PSPC1: variants seen among roughly 807,000 people sequenced by gnomAD.
The protein encoded by PSPC1 is paraspeckle protein 1.
A neutral mutation model predicts 51.6 loss-of-function variants in PSPC1; 14 were observed. The observed-to-expected ratio is 0.27, with a 90% CI of 0.18 to 0.42. The LOEUF (loss-of-function observed/expected upper bound fraction) is 0.42, where lower values mean the gene tolerates loss of function less well. Ranked by LOEUF, PSPC1 falls within the 10% of genes least tolerant of loss-of-function variation. PSPC1 has a pLI of 1.00. For synonymous variants in PSPC1, 193 were observed against 231.9 expected (o/e 0.83, Z 1.53); for missense variants, 406 against 701.1 (o/e 0.58, Z 4.75).
At position 19,741,624 on chromosome 13, in the gene PSPC1, G is replaced by A. The variant is rs1885441361; in HGVS notation, c.993C>T (p.Leu331=). ...RQDLMRRQEE[L]RRLEELRNQE... is the part of the protein sequence containing the mutation. The stretch of plus-strand genomic sequence containing the variant: ...GGTTTCTGAGTTCTTCCAAGCGTCT[G>A]AGTTCTTCTTGACGCCTCATTAGAT... Residue 331 remains leucine (L), a synonymous_variant, in exon 5 of 9, where the codon CTC becomes CTT. Transcript: ENST00000338910. 2.2e-5 allele frequency: 36 copies of A among 1,604,800 alleles called. No individual in the cohort carries two copies. The highest frequency in any genetic ancestry group is 3.1e-5 in the Non-Finnish European group (36 of 1,174,234).
chr13:19,760,190 C>G (rs1022739696), intron 2 of PSPC1, among the ~76,000 whole-genome samples: 2 of 152,100 alleles, frequency 1.3e-5, no homozygotes, highest in African/African-American at 4.8e-5. Context: ...CTGTACCCAC[C>G]ACCCAGTTTC....
intron 6 of PSPC1, among the ~76,000 whole-genome samples, chr13:19,694,036 T>TG (rs1878885281): frequency 7.3e-6 from 1 of 137,034 alleles, no homozygotes; most frequent in Admixed American, 8.6e-5. Context: ...GGCAGGAGAA[T>TG]GGCGTGAACC....
At chr13:19,752,590 A>AT (rs1217132646) in intron 3 of PSPC1, among the ~76,000 whole-genome samples, 161 of 150,018 alleles carry the variant, frequency 1.1e-3, no homozygotes, top group Admixed American at 3.4e-3. Flanking sequence ...TTATTTATTT[A>AT]TTTATTTATT....
At chr13:19,751,992 A>C (rs1286308116) in intron 3 of PSPC1, among the ~76,000 whole-genome samples, 1 of 152,186 alleles carries the variant, frequency 6.6e-6, no homozygotes, top group East Asian at 1.9e-4. Context: ...CAGGAGGCAG[A>C]GCTTATAGTG....
At chr13:19,735,064 C>A (rs895503884) in intron 5 of PSPC1, among the ~76,000 whole-genome samples, 1 of 151,650 alleles carries the variant, frequency 6.6e-6, no homozygotes, top group Non-Finnish European at 1.5e-5. Context: ...GTAATCCCAG[C>A]GCTTTGGGAG....
intron 2 of PSPC1, among the ~76,000 whole-genome samples, chr13:19,763,645 G>C (rs1430481611): frequency 3.9e-5 from 6 of 152,272 alleles, no homozygotes; most frequent in Non-Finnish European, 5.9e-5. Context: ...GGGTTGTTAT[G>C]ATAACGAAAG....
downstream of PSPC1, among the ~76,000 whole-genome samples, chr13:19,697,609 G>C (rs1314124953): frequency 1.3e-5 from 2 of 152,118 alleles, no homozygotes; most frequent in Non-Finnish European, 2.9e-5. Context: ...AAGCATTCAA[G>C]TCTGGGAACA....
At chr13:19,772,201 A>G (rs1289933781) in intron 2 of PSPC1, 41 bp downstream of exon 2, 1 of 1,576,234 alleles carries the variant, frequency 6.3e-7, no homozygotes, top group East Asian at 2.2e-5. Context: ...AGAAGCCCAT[A>G]TGTAACTGGA....
At chr13:19,730,981 A>C (rs1884039026) in intron 5 of PSPC1, among the ~76,000 whole-genome samples, 1 of 136,278 alleles carries the variant, frequency 7.3e-6, no homozygotes, top group East Asian at 2.2e-4. Flanking sequence ...AAAAAAAAAC[A>C]GAAAAAGTCT....
chr13:19,717,705 CAAAAAAAAAAAAAA>C (rs780984201), intron 6 of PSPC1, among the ~76,000 whole-genome samples: 1 of 72,260 alleles, frequency 1.4e-5, no homozygotes, highest in African/African-American at 5.1e-5. Flanking sequence ...GACTCTGTCT[CAAAAAAAAAAAAAA>C]AAAAAAAAAG....
intron 6 of PSPC1, among the ~76,000 whole-genome samples, chr13:19,723,531 G>A (rs1883022335): frequency 6.6e-6 from 1 of 152,140 alleles, no homozygotes; most frequent in African/African-American, 2.4e-5. Context: ...ATTTGTCCCA[G>A]TTTGTATGAA....
chr13:19,780,299 G>A (rs1244443120), intron 1 of PSPC1, among the ~76,000 whole-genome samples: 14 of 137,886 alleles, frequency 1.0e-4, no homozygotes, highest in South Asian at 2.6e-4. Context: ...CCACCACCCC[G>A]TCTGGGAGGT....
At chr13:19,724,929 G>A (rs779586559) in intron 6 of PSPC1, among the ~76,000 whole-genome samples, 2 of 152,272 alleles carry the variant, frequency 1.3e-5, no homozygotes, top group South Asian at 2.1e-4. Flanking sequence ...AACCTGGGAG[G>A]CGGGGGTTGG....
At chr13:19,686,289 T>C (rs1877866913) in intron 6 of PSPC1, among the ~76,000 whole-genome samples, 1 of 152,040 alleles carries the variant, frequency 6.6e-6, no homozygotes, top group African/African-American at 2.4e-5. Flanking sequence ...GAAAATTACC[T>C]GGGGGAGGGA....
At chr13:19,766,760 T>G (rs1593755578) in intron 2 of PSPC1, among the ~76,000 whole-genome samples, 1 of 149,898 alleles carries the variant, frequency 6.7e-6, no homozygotes, top group African/African-American at 2.5e-5. Flanking sequence ...GAGCCTGAGG[T>G]GGGAGGATGA....
At chr13:19,672,962 G>A (rs1269148563), downstream of PSPC1, 6 of 396,894 alleles carry the variant, frequency 1.5e-5, no homozygotes, top group East Asian at 4.2e-4. Context: ...AGGCTGAGGT[G>A]AAAGGATTGC....
Position 19,759,394 on chromosome 13 carries a change from T to G in PSPC1, c.699A>C (p.Glu233Asp). Residue 233 changes from glutamate (E) to aspartate (D), a missense_variant, in exon 3 of 9, where the codon GAA becomes GAC. By Grantham distance (45) the Glu-to-Asp change is conservative (BLOSUM62 2). Transcript: ENST00000338910. ...LTTTPRPVIVEPMEQFDDEDG... is the reference protein window; with the variant it reads ...LTTTPRPVIVDPMEQFDDEDG... The stretch of plus-strand genomic sequence containing the variant: ...CTTCATCATCAAACTGCTCCATGGG[T>G]TCCACAATGACTGGACGAGGGGTCC... 1 of 1,614,102 alleles carries G rather than the reference T, an allele frequency of 6.2e-7. No homozygotes were observed. The highest frequency in any genetic ancestry group is 8.5e-7 in the Non-Finnish European group (1 of 1,179,990).
chr13:19,727,496 T>A (rs1248041822), intron 6 of PSPC1, among the ~76,000 whole-genome samples: 1 of 152,232 alleles, frequency 6.6e-6, no homozygotes, highest in Non-Finnish European at 1.5e-5. Context: ...ATTTCATAAC[T>A]ACATGATACA....
chr13:19,763,910 C>T (rs951731476), intron 2 of PSPC1, among the ~76,000 whole-genome samples: 2 of 151,862 alleles, frequency 1.3e-5, no homozygotes, highest in African/African-American at 4.8e-5. Flanking sequence ...GACTGAGGAA[C>T]GAGAATTGCT....
Sources: allele counts gnomAD v4.1 joint callset (sites outside exome capture counted in the v4.1 genomes callset), GRCh38; gene constraint gnomAD v4.1.1; transcripts MANE v1.5; gene names NCBI Gene and HGNC (gene_info 2026-07-23, HGNC 2026-07-21).